MAP4K3: variants seen among roughly 807,000 people sequenced by gnomAD.
The protein encoded by MAP4K3 is mitogen-activated protein kinase kinase kinase kinase 3.
MAP4K3 carries 94 observed loss-of-function variants against 143.5 expected under a neutral mutation model. The ratio of observed to expected loss-of-function variants is 0.65; its 90% CI spans 0.55 to 0.78. The LOEUF (loss-of-function observed/expected upper bound fraction) is 0.78, where lower values mean the gene tolerates loss of function less well. MAP4K3 is among the 30% of genes least tolerant of loss of function. The probability of loss-of-function intolerance (pLI) is 0.00; values close to 1 mark genes in which losing one functional copy is unlikely to be tolerated. For synonymous variants in MAP4K3, 416 were observed against 347.2 expected (o/e 1.20, Z -2.20); for missense variants, 1,077 against 1,068.1 (o/e 1.01, Z -0.12).
Position 39,418,713 on chromosome 2 carries a change from GC to G in MAP4K3, c.96+18178del, listed in dbSNP as rs1001710943. ...TTCATTCTCCCTAGAATCTATAACC[GC>G]AATCTAACCATGAGAAAAAAAAAAA... On this transcript the variant is annotated intron_variant, in intron 1 of 33. Transcript: ENST00000263881. 2.3e-4 allele frequency among the ~76,000 whole-genome samples: 34 copies of G among 150,710 alleles called. 1 individual carries two copies. Among genetic ancestry groups the G allele is most frequent in the Admixed American group, 6.6e-5 (1 of 15,150 alleles).
At chr2:39,263,757 G>C (rs1338166830) in intron 28 of MAP4K3, among the ~76,000 whole-genome samples, 1 of 152,098 alleles carries the variant, frequency 6.6e-6, no homozygotes, top group African/African-American at 2.4e-5. Flanking sequence ...GCTGGTAAGA[G>C]GCCTCATTAG....
intron 3 of MAP4K3, among the ~76,000 whole-genome samples, chr2:39,354,971 A>C (rs1665565641): frequency 6.6e-6 from 1 of 152,136 alleles, no homozygotes; most frequent in African/African-American, 2.4e-5. Context: ...AAGGCCAGGC[A>C]GGATGACTCA....
chr2:39,298,162 C>G (rs1041649719), intron 16 of MAP4K3, among the ~76,000 whole-genome samples: 1 of 151,944 alleles, frequency 6.6e-6, no homozygotes, highest in Non-Finnish European at 1.5e-5. Context: ...GAGAAAATAA[C>G]ATAAAAACAC....
intron 24 of MAP4K3, 128 bp downstream of exon 24, chr2:39,278,279 C>A: frequency 1.8e-6 from 1 of 550,122 alleles, no homozygotes; most frequent in Non-Finnish European, 3.1e-6. Context: ...TCTCAAAAAA[C>A]AAAACAAAAC....
At chr2:39,267,311 T>C in intron 26 of MAP4K3, 64 bp from the exon 27 acceptor site, 1 of 1,247,914 alleles carries the variant, frequency 8.0e-7, no homozygotes, top group Non-Finnish European at 1.2e-6. Flanking sequence ...AAAAAGCTAC[T>C]GTTATAGATC....
At chr2:39,319,647 CAAGAGTCTA>C (rs1402257905) in intron 12 of MAP4K3, among the ~76,000 whole-genome samples, 1 of 152,078 alleles carries the variant, frequency 6.6e-6, no homozygotes, top group Non-Finnish European at 1.5e-5. Context: ...AATTCAAAAT[CAAGAGTCTA>C]AATATTTCTA....
intron 1 of MAP4K3, among the ~76,000 whole-genome samples, chr2:39,414,038 GAACAT>G (rs985147887): frequency 6.6e-6 from 1 of 152,124 alleles, no homozygotes; most frequent in African/African-American, 2.4e-5. Context: ...ATCTGCTAGA[GAACAT>G]GATTCTCATG....
At chr2:39,263,041 G>A (rs964889547) in intron 28 of MAP4K3, among the ~76,000 whole-genome samples, 2 of 151,766 alleles carry the variant, frequency 1.3e-5, no homozygotes, top group Non-Finnish European at 2.9e-5. Context: ...GCAGTGAGCT[G>A]AGATCATGCC....
intron 31 of MAP4K3, 79 bp downstream of exon 31, chr2:39,258,265 TATCA>T: frequency 1.1e-6 from 1 of 935,092 alleles, no homozygotes. Flanking sequence ...ATCTTAATAA[TATCA>T]ATCTTTAATT....
At chr2:39,276,703 T>C (rs1419802454) in intron 24 of MAP4K3, among the ~76,000 whole-genome samples, 1 of 152,218 alleles carries the variant, frequency 6.6e-6, no homozygotes, top group East Asian at 1.9e-4. Context: ...CATAGTAAGC[T>C]TTATGTAAGT....
At chr2:39,290,066 GA>G (rs1198129007) in intron 19 of MAP4K3, among the ~76,000 whole-genome samples, 5 of 133,504 alleles carry the variant, frequency 3.7e-5, no homozygotes, top group Non-Finnish European at 7.8e-5. Flanking sequence ...CAGCCTGGGT[GA>G]CAGAGTGAGA....
At position 39,387,442 on chromosome 2, in the gene MAP4K3, C is replaced by T. The variant is rs139372270; in HGVS notation, c.97-9319G>A. Among the ~76,000 whole-genome samples the T allele has an allele frequency of 3.0e-4, 46 of 152,184 alleles. No homozygotes were observed. The East Asian group carries it at 8.5e-3, about 28-fold the overall frequency. The stretch of plus-strand genomic sequence containing the variant: ...CTTTGCAGTTATCAGCATACAGATC[C>T]TATACGTAATTTCAATTTTGATTTT... On this transcript the variant is annotated intron_variant, in intron 1 of 33. Transcript: ENST00000263881.
At chr2:39,258,738 T>G in intron 29 of MAP4K3, 151 bp from the exon 30 acceptor site, 1 of 660,386 alleles carries the variant, frequency 1.5e-6, no homozygotes, top group Non-Finnish European at 2.7e-6. Flanking sequence ...GCTAGTGGGT[T>G]TAAATGCTGA....
In MAP4K3 at chr2:39,384,723, CGT is replaced by C. The variant is rs1382704943; in HGVS notation, c.97-6602_97-6601del. ...AAAAACTGAATTTTGTTTAATTGTA[CGT>C]GTGTACAAAATGAAATATTTAAAAT... On this transcript the variant is annotated intron_variant, in intron 1 of 33. Coordinates refer to ENST00000263881, the MANE Select transcript of MAP4K3 (RefSeq NM_003618.4). 2.0e-5 allele frequency among the ~76,000 whole-genome samples: 3 copies of C among 152,242 alleles called. No homozygotes were observed. The East Asian group carries it at 5.8e-4, about 29-fold the overall frequency.
intron 1 of MAP4K3, chr2:39,436,564 G>C (rs986583394): frequency 1.8e-5 from 5 of 275,564 alleles, no homozygotes; most frequent in African/African-American, 1.1e-4. Context: ...CCCTGCCAAC[G>C]CAACAAACGC....
chr2:39,393,282 C>T (rs1422835124), intron 1 of MAP4K3, among the ~76,000 whole-genome samples: 1 of 152,142 alleles, frequency 6.6e-6, no homozygotes, highest in Non-Finnish European at 1.5e-5. Context: ...AGAATGTTTA[C>T]ACAGCTGATG....
chr2:39,277,201 G>A (rs1681298318), intron 24 of MAP4K3, among the ~76,000 whole-genome samples: 1 of 152,172 alleles, frequency 6.6e-6, no homozygotes, highest in Admixed American at 6.5e-5. Context: ...GCTTCTGCCT[G>A]CCTACCCAGC....
At chr2:39,268,828 C>T (rs545590824) in intron 26 of MAP4K3, among the ~76,000 whole-genome samples, 67 of 151,882 alleles carry the variant, frequency 4.4e-4, no homozygotes, top group African/African-American at 1.6e-3. Flanking sequence ...TTAGTAGAGA[C>T]GGGGTTTCGA....
chr2:39,358,445 T>C (rs1665673559), intron 2 of MAP4K3, among the ~76,000 whole-genome samples: 1 of 152,214 alleles, frequency 6.6e-6, no homozygotes, highest in Non-Finnish European at 1.5e-5. Context: ...CATCCAATTG[T>C]TAGCATGTTT....
Sources: gnomAD v4.1 joint callset for allele counts (sites outside exome capture counted in the v4.1 genomes callset) on GRCh38, gnomAD v4.1.1 for gene constraint, MANE v1.5 for transcripts, NCBI Gene and HGNC (gene_info 2026-07-23, HGNC 2026-07-21) for gene names.